GRID2: variants seen among roughly 807,000 people sequenced by gnomAD.
GRID2 encodes the protein glutamate receptor ionotropic, delta-2.
Under a neutral mutation model 114.8 loss-of-function variants are expected in GRID2, and 33 were observed. The observed-to-expected ratio is 0.29, with a 90% CI of 0.22 to 0.38. The LOEUF is 0.38. Among genes scored for constraint, GRID2 ranks in the 10% least tolerant of loss-of-function variants. The probability of loss-of-function intolerance (pLI) is 1.00; values close to 1 mark genes in which losing one functional copy is unlikely to be tolerated. For missense variants in GRID2, 1,184 were observed against 1,257.7 expected, an observed-to-expected ratio of 0.94 and a Z score of 0.89; for synonymous variants, 505 against 449.9, an observed-to-expected ratio of 1.12 and a Z score of -1.55.
At chr4:93,680,676 A>C (rs1453714157) in intron 14 of GRID2, among the ~76,000 whole-genome samples, 1 of 149,190 alleles carries the variant, frequency 6.7e-6, no homozygotes, top group Non-Finnish European at 1.5e-5. Context: ...AAAGACAAAA[A>C]CCACATGATT....
intron 9 of GRID2, among the ~76,000 whole-genome samples, chr4:93,396,109 T>C (rs896112542): frequency 6.6e-6 from 1 of 152,086 alleles, no homozygotes; most frequent in South Asian, 2.1e-4. Context: ...TTTGGTAAAA[T>C]GTACATTCTC....
At chr4:92,819,835 A>G (rs910068120) in intron 2 of GRID2, among the ~76,000 whole-genome samples, 20 of 152,230 alleles carry the variant, frequency 1.3e-4, no homozygotes, top group African/African-American at 4.8e-4. Context: ...AATTGCAATA[A>G]GCTTATAAAT....
chr4:92,868,861 G>T (rs1356422782), intron 2 of GRID2, among the ~76,000 whole-genome samples: 3 of 151,828 alleles, frequency 2.0e-5, no homozygotes, highest in Non-Finnish European at 2.9e-5. Flanking sequence ...GCCAGAATAT[G>T]TTTCTATTTA....
intron 1 of GRID2, among the ~76,000 whole-genome samples, chr4:92,397,380 G>T (rs987744925): frequency 4.5e-5 from 6 of 134,650 alleles, no homozygotes; most frequent in Non-Finnish European, 6.4e-5. Context: ...GTGTGTGTGT[G>T]TGTGTTTCTC....
intron 8 of GRID2, among the ~76,000 whole-genome samples, chr4:93,371,936 C>T (rs1207422604): frequency 1.3e-5 from 2 of 151,698 alleles, no homozygotes; most frequent in African/African-American, 4.8e-5. Context: ...TTAGTAGAGA[C>T]GGGGTTTTAC....
Position 93,369,212 on chromosome 4 carries a change from C to T in GRID2, c.1246-26395C>T, listed in dbSNP as rs77634286. Among the ~76,000 whole-genome samples the T allele has an allele frequency of 3.0e-3, 456 of 152,244 alleles. 2 individuals are homozygous for T. Among genetic ancestry groups the T allele is most frequent in the African/African-American group, 0.011 (439 of 41,552 alleles). On this transcript the variant is annotated intron_variant, in intron 8 of 15. Coordinates refer to ENST00000282020, the MANE Select transcript of GRID2 (RefSeq NM_001510.4). ...GCTGTCAGCATTCTTTGATTTGTGG[C>T]AACATCACTCCAATCTCTGCCTCCA...
chr4:93,528,865 C>T (rs13101994), intron 13 of GRID2, among the ~76,000 whole-genome samples: 11 of 152,072 alleles, frequency 7.2e-5, no homozygotes, highest in Middle Eastern at 3.4e-3. Context: ...TCTGCCATTG[C>T]GATTCCTAGA....
chr4:93,183,369 CT>C lies in GRID2; in HGVS notation c.736-24034del, dbSNP rs757380388. Among the ~76,000 whole-genome samples, 49 of 152,136 alleles carry C rather than the reference CT, an allele frequency of 3.2e-4. 1 individual carries two copies. Among genetic ancestry groups the C allele is most frequent in the East Asian group, 1.3e-3 (7 of 5,196 alleles). On this transcript the variant is annotated intron_variant, in intron 4 of 15. Transcript: ENST00000282020. ...TTAAAATAATGATTTTATTATCCCCCTGTAAAGACATAACCATGTTTTCTTC... is the reference window on the plus strand; with the variant it reads ...TTAAAATAATGATTTTATTATCCCCCGTAAAGACATAACCATGTTTTCTTC...
chr4:93,761,689 C>G (rs911074287), intron 14 of GRID2, among the ~76,000 whole-genome samples: 3 of 152,120 alleles, frequency 2.0e-5, no homozygotes, highest in Non-Finnish European at 4.4e-5. Flanking sequence ...TTTGGCTCAA[C>G]TAGCTAGAAG....
At chr4:92,410,897 GA>G in intron 1 of GRID2, among the ~76,000 whole-genome samples, 1 of 129,748 alleles carries the variant, frequency 7.7e-6, no homozygotes, top group Admixed American at 8.8e-5. Context: ...GGAATAAGAA[GA>G]GATTATAAAC....
At chr4:93,247,045 G>T (rs1748294635) in intron 8 of GRID2, among the ~76,000 whole-genome samples, 1 of 152,140 alleles carries the variant, frequency 6.6e-6, no homozygotes, top group Non-Finnish European at 1.5e-5. Flanking sequence ...TCTACCTCAG[G>T]TAAGCAGCAT....
At chr4:93,733,732 C>T (rs1003935341) in intron 14 of GRID2, among the ~76,000 whole-genome samples, 1 of 152,064 alleles carries the variant, frequency 6.6e-6, no homozygotes, top group Non-Finnish European at 1.5e-5. Flanking sequence ...CAGATTAGAA[C>T]TCAGTGTCAG....
chr4:92,554,471 T>C (rs912109185), intron 1 of GRID2, among the ~76,000 whole-genome samples: 1 of 152,198 alleles, frequency 6.6e-6, no homozygotes, highest in Non-Finnish European at 1.5e-5. Context: ...AAAAACAATT[T>C]GATAAGTTCT....
intron 14 of GRID2, among the ~76,000 whole-genome samples, chr4:93,685,048 C>A (rs1725950607): frequency 6.6e-6 from 1 of 151,788 alleles, no homozygotes; most frequent in South Asian, 2.1e-4. Flanking sequence ...TATTTGCAAA[C>A]AGAATAACAA....
At chr4:92,975,703 C>T (rs570917732) in intron 2 of GRID2, among the ~76,000 whole-genome samples, 11 of 152,190 alleles carry the variant, frequency 7.2e-5, no homozygotes, top group African/African-American at 2.4e-4. Context: ...ATAAGTTTTA[C>T]AACTTATCAT....
chr4:93,518,504 C>G (rs1300465875), intron 13 of GRID2, among the ~76,000 whole-genome samples: 1 of 151,966 alleles, frequency 6.6e-6, no homozygotes, highest in Non-Finnish European at 1.5e-5. Flanking sequence ...TTCTATTTGT[C>G]AAGCAGTACA....
intron 14 of GRID2, among the ~76,000 whole-genome samples, chr4:93,634,798 T>C (rs567890575): frequency 1.3e-5 from 2 of 152,222 alleles, no homozygotes; most frequent in East Asian, 1.9e-4. Flanking sequence ...GAAAAAAAGA[T>C]AAGTTTGGAG....
chr4:92,998,956 T>C (rs1171888224), intron 2 of GRID2, among the ~76,000 whole-genome samples: 1 of 151,928 alleles, frequency 6.6e-6, no homozygotes, highest in African/African-American at 2.4e-5. Flanking sequence ...TCAATAATGA[T>C]TTGTAGAAAA....
intron 2 of GRID2, among the ~76,000 whole-genome samples, chr4:93,061,159 A>C (rs1727760528): frequency 6.7e-6 from 1 of 149,416 alleles, no homozygotes; most frequent in Non-Finnish European, 1.5e-5. Flanking sequence ...TTGTAGAAAT[A>C]TCTCTTTTAA....
Sources: gnomAD v4.1 joint callset for allele counts (sites outside exome capture counted in the v4.1 genomes callset) on GRCh38, gnomAD v4.1.1 for gene constraint, MANE v1.5 for transcripts, NCBI Gene and HGNC (gene_info 2026-07-23, HGNC 2026-07-21) for gene names.